F8: variants seen among roughly 807,000 people sequenced by gnomAD.
F8 encodes the protein coagulation factor VIII.
In F8, 12 loss-of-function variants were observed where a neutral mutation model predicts 140.6. The ratio of observed to expected loss-of-function variants is 0.09; its 90% CI spans 0.05 to 0.14. The LOEUF (loss-of-function observed/expected upper bound fraction) is 0.14, where lower values mean the gene tolerates loss of function less well. Among genes scored for constraint, F8 ranks in the 10% least tolerant of loss-of-function variants. F8 has a pLI of 1.00. For synonymous variants in F8, 585 were observed against 614.6 expected (o/e 0.95, Z 0.71); for missense variants, 1,354 against 1,720.7 (o/e 0.79, Z 3.77).
At chrX:154,955,438 C>T (rs1174683427) in intron 11 of F8, among the ~76,000 whole-genome samples, 4 of 105,846 alleles carry the variant, frequency 3.8e-5, no homozygotes, top group African/African-American at 1.4e-4. Flanking sequence ...AGATTACAGG[C>T]GTGAGCCACC....
chrX:155,009,112 T>C (rs1557286343), intron 1 of F8, among the ~76,000 whole-genome samples: 1 of 106,003 alleles, frequency 9.4e-6, no homozygotes, highest in East Asian at 3.0e-4. Flanking sequence ...AGACGGAGTC[T>C]CGCTCTGTCG....
In F8 at chrX:154,961,103, A is replaced by G. The variant is rs377036203; in HGVS notation, c.1509T>C (p.Arg503=). The G allele has an allele frequency of 5.8e-6, 7 of 1,201,084 alleles. No homozygotes were observed. The African/African-American group carries it at 1.2e-4, about 21-fold the overall frequency. ...TTGGTAATCTCCTTGAATACAAAGG[A>G]CGGACATCAGTGATTCCGTGAGGGT... is the stretch of plus-strand genomic sequence containing the variant. The part of the protein sequence containing the change: ...NIYPHGITDV[R]PLYSRRLPKG... The change falls in exon 10 of 26, where the codon CGT becomes CGC. Residue 503 remains arginine, a synonymous_variant. Transcript: ENST00000360256.
At chrX:154,979,516 G>A (rs2073505902) in intron 6 of F8, among the ~76,000 whole-genome samples, 1 of 111,581 alleles carries the variant, frequency 9.0e-6, no homozygotes, top group Non-Finnish European at 1.9e-5. Context: ...AAATGCTCAG[G>A]TTGGGGTGCA....
chrX:154,996,148 G>A (rs1181481619), intron 3 of F8, among the ~76,000 whole-genome samples: 1 of 111,787 alleles, frequency 8.9e-6, no homozygotes, highest in Non-Finnish European at 1.9e-5. Context: ...GTTGAACTAC[G>A]AATACATGTA....
intron 13 of F8, among the ~76,000 whole-genome samples, chrX:154,933,752 T>C (rs2073209963): frequency 8.9e-6 from 1 of 112,160 alleles, no homozygotes; most frequent in African/African-American, 3.2e-5. Context: ...AGAACAAATA[T>C]CTTGCCATAC....
Position 154,903,301 on chromosome X carries a change from A to G in F8, c.5998+605T>C, listed in dbSNP as rs371994468. ...AGCAATCCTTCCACTTCAGCCACCC[A>G]AGTAGGTGAAGTAGCTGGGACTACA... On this transcript the variant is annotated intron_variant, in intron 18 of 25. Coordinates refer to ENST00000360256, the MANE Select transcript of F8 (RefSeq NM_000132.4). 3.6e-5 allele frequency among the ~76,000 whole-genome samples: 4 copies of G among 110,430 alleles called. No homozygotes were observed. In the East Asian group the frequency reaches 8.5e-4, roughly 24 times the overall value.
intron 4 of F8, among the ~76,000 whole-genome samples, chrX:154,990,960 C>T (rs1364829975): frequency 8.9e-6 from 1 of 112,035 alleles, no homozygotes; most frequent in Non-Finnish European, 1.9e-5. Flanking sequence ...TAACCAGAAG[C>T]TTCCAATTTC....
At chrX:154,968,006 T>C (rs1557282188) in intron 7 of F8, among the ~76,000 whole-genome samples, 1 of 111,969 alleles carries the variant, frequency 8.9e-6, no homozygotes, top group Non-Finnish European at 1.9e-5. Context: ...AGAAGGTTAA[T>C]ATGAGAGTAA....
At chrX:154,984,554 C>T (rs2073547280) in intron 6 of F8, 133 bp downstream of exon 6, 1 of 559,207 alleles carries the variant, frequency 1.8e-6, no homozygotes. Context: ...ATTAAGATCC[C>T]CAGAGGCCAG....
At chrX:154,987,582 C>G (rs1187695683) in intron 4 of F8, among the ~76,000 whole-genome samples, 1 of 112,786 alleles carries the variant, frequency 8.9e-6, no homozygotes, top group Non-Finnish European at 1.9e-5. Context: ...AAAACACTTA[C>G]AAAATACAAG....
intron 3 of F8, among the ~76,000 whole-genome samples, chrX:154,995,182 T>C (rs2073610008): frequency 8.9e-6 from 1 of 112,262 alleles, no homozygotes; most frequent in Non-Finnish European, 1.9e-5. Flanking sequence ...TTTGAAATAT[T>C]TCATTAGGAA....
At chrX:154,989,143 C>T (rs1191221313) in intron 4 of F8, among the ~76,000 whole-genome samples, 1 of 111,806 alleles carries the variant, frequency 8.9e-6, no homozygotes, top group Non-Finnish European at 1.9e-5. Flanking sequence ...AGTAGGAAGA[C>T]CCTGTGCCAT....
intron 5 of F8, 32 bp from the exon 6 acceptor site, chrX:154,984,835 C>G (rs369477181): frequency 9.4e-7 from 1 of 1,062,868 alleles, no homozygotes; most frequent in Non-Finnish European, 1.3e-6. Context: ...ATAGAGTCAG[C>G]TAAGCATGTG....
At chrX:154,875,222 G>A (rs193160302) in intron 22 of F8, among the ~76,000 whole-genome samples, 24 of 111,624 alleles carry the variant, frequency 2.2e-4, no homozygotes, top group African/African-American at 7.2e-4. Context: ...TGGTGTGGGG[G>A]AAACAGGGAG....
At chrX:154,917,781 T>A (rs1056577157) in intron 14 of F8, among the ~76,000 whole-genome samples, 1 of 112,066 alleles carries the variant, frequency 8.9e-6, no homozygotes, top group African/African-American at 3.2e-5. Context: ...TCTGGTTTTT[T>A]AAATTATTAT....
At chrX:154,989,049 G>A (rs1373376238) in intron 4 of F8, among the ~76,000 whole-genome samples, 1 of 111,419 alleles carries the variant, frequency 9.0e-6, no homozygotes, top group Non-Finnish European at 1.9e-5. Flanking sequence ...ATGCCTATTC[G>A]ATTTTCTCTA....
chrX:155,010,169 G>A (rs2073699561), intron 1 of F8, among the ~76,000 whole-genome samples: 1 of 112,143 alleles, frequency 8.9e-6, no homozygotes, highest in East Asian at 2.8e-4. Flanking sequence ...TCACTTTCAG[G>A]CAAATCTGCA....
intron 7 of F8, among the ~76,000 whole-genome samples, chrX:154,969,038 G>A (rs2073440716): frequency 9.0e-6 from 1 of 110,596 alleles, no homozygotes; most frequent in Admixed American, 9.7e-5. Flanking sequence ...AGAAACCAAG[G>A]GCATACTATT....
chrX:154,891,426 A>G (rs1350897692), intron 22 of F8, among the ~76,000 whole-genome samples: 1 of 113,094 alleles, frequency 8.8e-6, no homozygotes, highest in African/African-American at 3.2e-5. Context: ...AGTGAACATT[A>G]TATTAAACAG....
Sources: gnomAD v4.1 joint callset for allele counts (sites outside exome capture counted in the v4.1 genomes callset) on GRCh38, gnomAD v4.1.1 for gene constraint, MANE v1.5 for transcripts, NCBI Gene and HGNC (gene_info 2026-07-23, HGNC 2026-07-21) for gene names.